The following RUNDC1 variants were observed in gnomAD, a reference collection of about 807,000 sequenced individuals.
RUNDC1 encodes RUN domain-containing protein 1.
Under a neutral mutation model 49.3 loss-of-function variants are expected in RUNDC1, and 31 were observed. The ratio of observed to expected loss-of-function variants is 0.63; its 90% confidence interval spans 0.47 to 0.85. RUNDC1 has a LOEUF of 0.85. Ranked by LOEUF, RUNDC1 falls within the 40% of genes least tolerant of loss-of-function variation. The pLI is 0.00. For missense variants in RUNDC1, 715 were observed against 806.7 expected (o/e 0.89, Z 1.38); for synonymous variants, 347 against 348.6 (o/e 1.00, Z 0.05).
At chr17:42,985,691 G>A in intron 1 of RUNDC1, 3 of 977,532 alleles carry the variant, frequency 3.1e-6, no homozygotes, top group Non-Finnish European at 3.6e-6. Context: ...GTAATACGCT[G>A]TAGACTTCTA....
At position 42,984,645 on chromosome 17, in the gene RUNDC1, C is replaced by T. The variant is rs115138787; in HGVS notation, c.499-2611C>T. ...CATTGTTCTCTCTTGTTTGCCCACA[C>T]TCCAGCAAATAGCATATCGTAGCTA... On this transcript the variant is annotated intron_variant, in intron 1 of 4. Coordinates refer to ENST00000361677, the MANE Select transcript of RUNDC1 (RefSeq NM_173079.5). Among the ~76,000 whole-genome samples the T allele has an allele frequency of 3.6e-3, 551 of 152,254 alleles. 4 individuals are homozygous for T. Among genetic ancestry groups the T allele is most frequent in the African/African-American group, 0.012 (514 of 41,572 alleles).
chr17:42,991,523 G>A lies in RUNDC1; in HGVS notation c.1649G>A (p.Arg550His), dbSNP rs147773660. 15 of 1,613,996 alleles carry A rather than the reference G, an allele frequency of 9.3e-6. No individual in the cohort carries two copies. In the African/African-American group the frequency reaches 1.5e-4, roughly 16 times the overall value. Residue 550 changes from arginine to histidine, a missense_variant, in exon 5 of 5, where the codon CGT becomes CAT. Coordinates refer to ENST00000361677, the MANE Select transcript of RUNDC1 (RefSeq NM_173079.5). Reference protein sequence around the residue: ...ALVCMALNEQRLVSWVNLICK... With the variant: ...ALVCMALNEQHLVSWVNLICK... ...GTGTGCATGGCACTGAATGAGCAGC[G>A]TCTGGTGTCCTGGGTGAACCTCATC...
intron 1 of RUNDC1, among the ~76,000 whole-genome samples, chr17:42,984,130 T>G (rs2050138809): frequency 6.6e-6 from 1 of 150,656 alleles, no homozygotes; most frequent in Non-Finnish European, 1.5e-5. Context: ...CTACCATGAC[T>G]AGCTAATTAA....
chr17:42,981,155 C>T, intron 1 of RUNDC1, 81 bp downstream of exon 1: 2 of 1,447,342 alleles, frequency 1.4e-6, no homozygotes, highest in South Asian at 1.3e-5. Flanking sequence ...GATGATGGTG[C>T]ATGCGGGGAG....
At position 42,990,878 on chromosome 17, in the gene RUNDC1, G is replaced by T. The variant is rs572946898; in HGVS notation, c.1004G>T (p.Arg335Leu). The T allele has an allele frequency of 6.2e-7, 1 of 1,602,538 alleles. No individual in the cohort carries two copies. The highest frequency in any genetic ancestry group is 1.3e-5 in the African/African-American group (1 of 74,848). Residue 335 changes from arginine (R) to leucine (L), a missense_variant, in exon 5 of 5, where the codon CGG (arginine) becomes CTG (leucine). Coordinates refer to ENST00000361677, the MANE Select transcript of RUNDC1 (RefSeq NM_173079.5). ...AAGGCAGAGGATGTGAAGAAAGTCC[G>T]GGAGACGGGGCTGCACCTGATGCGG... is the stretch of plus-strand genomic sequence containing the variant. Reference protein sequence around the residue: ...KTKAEDVKKVRETGLHLMRRA... With the variant: ...KTKAEDVKKVLETGLHLMRRA...
chr17:42,989,545 A>G lies in RUNDC1; in HGVS notation c.856+6A>G. On this transcript the variant is annotated splice_donor_region_variant and intron_variant, in intron 3 of 4. Coordinates refer to ENST00000361677, the MANE Select transcript of RUNDC1 (RefSeq NM_173079.5). The stretch of plus-strand genomic sequence containing the variant: ...GTTTATCAACTTCATCCAAGGTTAG[A>G]GGAGGGGATGGGATGAGAAGGGTGG... The G allele has an allele frequency of 6.2e-7, 1 of 1,612,828 alleles. No homozygotes were observed. Among genetic ancestry groups the G allele is most frequent in the Non-Finnish European group, 8.5e-7 (1 of 1,178,806 alleles).
Position 42,980,919 on chromosome 17 carries a change from G to T in RUNDC1, c.343G>T (p.Ala115Ser). 1 of 1,531,256 alleles carries T rather than the reference G, an allele frequency of 6.5e-7. No individual in the cohort carries two copies. Among genetic ancestry groups the T allele is most frequent in the African/African-American group, 1.4e-5 (1 of 72,420 alleles). The allele number at this position is 1,531,256 out of a possible 1,614,324, so 94.9% of individuals were successfully genotyped here. A position where few individuals can be genotyped will look rare whatever the true frequency, so the allele number is the denominator to read the frequency against. Residue 115 changes from alanine (A) to serine (S), a missense_variant, in exon 1 of 5, where the codon GCG becomes TCG. Physicochemically the swap from Ala to Ser is moderately conservative, Grantham distance 99. Transcript: ENST00000361677. ...CCGCCTGCGCCAGGTGGTGCGCGGGGCGCCGGCGGAGCAGCAGCGCCTTCT... is the reference window on the plus strand; with the variant it reads ...CCGCCTGCGCCAGGTGGTGCGCGGGTCGCCGGCGGAGCAGCAGCGCCTTCT... Reference protein sequence around the residue: ...QFRLRQVVRGAPAEQQRLLRE... With the variant: ...QFRLRQVVRGSPAEQQRLLRE...
At chr17:42,987,529 C>A in intron 2 of RUNDC1, 115 bp downstream of exon 2, 1 of 938,210 alleles carries the variant, frequency 1.1e-6, no homozygotes, top group Non-Finnish European at 1.6e-6. Context: ...GAGAATCCCT[C>A]TGCTGGCCCA....
chr17:42,986,795 G>A (rs186647014), intron 1 of RUNDC1, among the ~76,000 whole-genome samples: 8 of 152,246 alleles, frequency 5.3e-5, no homozygotes, highest in African/African-American at 9.6e-5. Context: ...TACCGGGCCC[G>A]GCCAGCTGGT....
intron 1 of RUNDC1, among the ~76,000 whole-genome samples, chr17:42,984,230 C>G (rs1446894771): frequency 1.3e-5 from 2 of 152,002 alleles, no homozygotes; most frequent in Non-Finnish European, 2.9e-5. Context: ...CCCACCTTAG[C>G]CTCCCTAAGT....
chr17:42,980,873 G>T lies in RUNDC1; in HGVS notation c.297G>T (p.Ser99=). The T allele has an allele frequency of 6.7e-7, 1 of 1,491,488 alleles. No homozygotes were observed. The highest frequency in any genetic ancestry group is 8.9e-7 in the Non-Finnish European group (1 of 1,127,378). 92.4% of individuals were successfully genotyped at this position (1,491,488 alleles called of 1,614,324 possible). Reference sequence around the variant, plus strand: ...ACTCGGCGCTGCTGGCGCTGTCCTCGCACTTCGCGCAGGTGCAGTTCCGCC... The same window carrying T: ...ACTCGGCGCTGCTGGCGCTGTCCTCTCACTTCGCGCAGGTGCAGTTCCGCC... ...RLDSALLALS[S]HFAQVQFRLR... Residue 99 remains serine (S), a synonymous_variant, in exon 1 of 5, where the codon TCG becomes TCT. Transcript: ENST00000361677.
At position 42,987,243 on chromosome 17, in the gene RUNDC1, T is replaced by C. The variant is rs1170567607; in HGVS notation, c.499-13T>C. 3 of 1,613,316 alleles carry C rather than the reference T, an allele frequency of 1.9e-6. No individual in the cohort carries two copies. Among genetic ancestry groups the C allele is most frequent in the Non-Finnish European group, 2.5e-6 (3 of 1,179,430 alleles). On this transcript the variant is annotated splice_polypyrimidine_tract_variant and intron_variant, in intron 1 of 4. Coordinates refer to ENST00000361677, the MANE Select transcript of RUNDC1 (RefSeq NM_173079.5). ...TTGCCTGCATAATAGACCCAATTAT[T>C]TTCTTGCCTTAGAGTGAGCAGGAAA...
rs1397437613 is a variant in RUNDC1 at position 42,994,410 on chromosome 17, T to G, written c.*2694T>G. On this transcript the variant is annotated 3_prime_UTR_variant, in exon 5 of 5. Transcript: ENST00000361677. ...CTGAGGAAACTGAACTGCAGAGAGG[T>G]TAAATATTTTGTCCTGGTTTACATG... 6.6e-6 allele frequency among the ~76,000 whole-genome samples: 1 copy of G among 152,098 alleles called. No individual in the cohort carries two copies. Among genetic ancestry groups the G allele is most frequent in the Admixed American group, 6.6e-5 (1 of 15,256 alleles).
chr17:42,993,891 G>A lies in RUNDC1; in HGVS notation c.*2175G>A, dbSNP rs942804569. On this transcript the variant is annotated 3_prime_UTR_variant, in exon 5 of 5. Coordinates refer to ENST00000361677, the MANE Select transcript of RUNDC1 (RefSeq NM_173079.5). ...CCTTTTTTTTTTGAGATGGAGTCTC[G>A]CTCTGTTGTCCAGGCTGGAGTGCAA... is the stretch of plus-strand genomic sequence containing the variant. 3.3e-5 allele frequency among the ~76,000 whole-genome samples: 5 copies of A among 151,796 alleles called. No homozygotes were observed. Among genetic ancestry groups the A allele is most frequent in the African/African-American group, 7.3e-5 (3 of 41,286 alleles).
rs533122099 is a variant in RUNDC1, at chr17:42,982,695, C to T, written c.498+1621C>T. Among the ~76,000 whole-genome samples, 7 of 151,962 alleles carry T rather than the reference C, an allele frequency of 4.6e-5. 1 individual carries two copies. In the South Asian group the frequency reaches 1.5e-3, roughly 32 times the overall value. On this transcript the variant is annotated intron_variant, in intron 1 of 4. Transcript: ENST00000361677. ...GTACCCATAAAAATTAAAAACTAGC[C>T]CAGCGCAGTGGCTCACGCCTGTAAT...
intron 3 of RUNDC1, 59 bp from the exon 4 acceptor site, chr17:42,990,258 C>G (rs1472827295): frequency 6.3e-7 from 1 of 1,579,080 alleles, no homozygotes; most frequent in African/African-American, 1.4e-5. Flanking sequence ...ATTATTTTTC[C>G]TTTAAAGATC....
intron 1 of RUNDC1, chr17:42,985,780 GA>G: frequency 1.4e-6 from 1 of 694,038 alleles, no homozygotes; most frequent in Non-Finnish European, 1.8e-6. Context: ...AGACAAGGAA[GA>G]ACCAGTGTTT....
chr17:42,983,357 C>A (rs1178405026), intron 1 of RUNDC1, among the ~76,000 whole-genome samples: 1 of 149,470 alleles, frequency 6.7e-6, no homozygotes, highest in Non-Finnish European at 1.5e-5. Context: ...TTACCACTTA[C>A]CTTTTTTTTT....
chr17:42,980,987 C>A lies in RUNDC1; in HGVS notation c.411C>A (p.Val137=). 6.5e-7 allele frequency: 1 copy of A among 1,546,034 alleles called. No individual in the cohort carries two copies. The highest frequency in any genetic ancestry group is 8.7e-7 in the Non-Finnish European group (1 of 1,152,074). Residue 137 remains valine, a synonymous_variant, in exon 1 of 5, where the codon GTC becomes GTA. Transcript: ENST00000361677. ...EDFAFRGCPH[V]LGYEGPGDPA... is the part of the protein sequence containing the mutation. ...TCGCCTTCCGCGGCTGCCCTCACGT[C>A]CTAGGTTACGAAGGGCCCGGCGACC...
Sources: gnomAD v4.1 joint callset for allele counts (sites outside exome capture counted in the v4.1 genomes callset) on GRCh38, gnomAD v4.1.1 for gene constraint, MANE v1.5 for transcripts, NCBI Gene and HGNC (gene_info 2026-07-23, HGNC 2026-07-21) for gene names.